VWA5B1: variants seen among roughly 807,000 people sequenced by gnomAD.
VWA5B1 encodes von Willebrand factor A domain containing 5B1.
In VWA5B1, 115 loss-of-function variants were observed where a neutral mutation model predicts 118.2. That is an observed-to-expected ratio of 0.97 (90% confidence interval 0.84 to 1.14). The LOEUF (loss-of-function observed/expected upper bound fraction) is 1.14. Among genes scored for constraint, VWA5B1 ranks in the 50% most tolerant of loss-of-function variants. The pLI, the probability that VWA5B1 is intolerant of heterozygous loss-of-function variation, is 0.00. For missense variants in VWA5B1, 1,596 were observed against 1,603.8 expected (o/e 1.00, Z 0.08); for synonymous variants, 682 against 658.4 (o/e 1.04, Z -0.55).
At chr1:20,314,228 A>G in intron 3 of VWA5B1, 94 bp from the exon 4 acceptor site, 3 of 1,324,816 alleles carry the variant, frequency 2.3e-6, no homozygotes. Flanking sequence ...TTTTCCCATC[A>G]GCAAAATGGG....
At chr1:20,313,020 T>A in intron 3 of VWA5B1, 32 bp downstream of exon 3, 1 of 1,544,202 alleles carries the variant, frequency 6.5e-7, no homozygotes, top group Non-Finnish European at 8.8e-7. Flanking sequence ...CCGCGGGACC[T>A]GGGTTTGGCC....
chr1:20,330,127 T>C (rs1235468773), intron 9 of VWA5B1, 53 bp from the exon 10 acceptor site: 4 of 1,542,568 alleles, frequency 2.6e-6, no homozygotes, highest in Non-Finnish European at 3.5e-6. Context: ...CCTTAGGTGG[T>C]CTAGAGTCTC....
rs2101040713 is a variant in VWA5B1, at chr1:20,356,847, G to C, written c.*2584G>C. Among the ~76,000 whole-genome samples the C allele has an allele frequency of 6.6e-6, 1 of 152,280 alleles. No individual in the cohort carries two copies. The highest frequency in any genetic ancestry group is 2.4e-5 in the African/African-American group (1 of 41,550). ...AGAGACATTTTTAAAGAACTTCAGT[G>C]GTATTGAGATGACATGCAGCCTCAA... On this transcript the variant is annotated 3_prime_UTR_variant, in exon 22 of 22. Transcript: ENST00000289815.
Position 20,358,511 on chromosome 1 carries a change from C to T in VWA5B1, c.*4248C>T, listed in dbSNP as rs74056526. Reference sequence around the variant, plus strand: ...GCCCCCCCACCCTGCAATTGCCTGCCCCATTGACCTGCCTGGCTGGATCCT... The same window carrying T: ...GCCCCCCCACCCTGCAATTGCCTGCTCCATTGACCTGCCTGGCTGGATCCT... On this transcript the variant is annotated 3_prime_UTR_variant, in exon 22 of 22. Coordinates refer to ENST00000289815, the MANE Select transcript of VWA5B1 (RefSeq NM_001039500.3). Among the ~76,000 whole-genome samples the T allele has an allele frequency of 1.8e-3, 280 of 152,276 alleles. 2 individuals are homozygous for T. Among genetic ancestry groups the T allele is most frequent in the African/African-American group, 6.5e-3 (271 of 41,572 alleles).
rs774847761 is a variant in VWA5B1 at position 20,330,360 on chromosome 1, C to T, written c.1435C>T (p.Arg479Ter). 4.6e-5 allele frequency: 72 copies of T among 1,551,596 alleles called. No individual in the cohort carries two copies. The African/African-American group carries it at 8.9e-4, about 19-fold the overall frequency. ...NNTGKVLELV[R>*]NHAFSTRCYS... The stretch of plus-strand genomic sequence containing the variant: ...CACAGGGAAGGTGCTGGAGCTGGTG[C>T]GAAATCACGCCTTCTCCACCAGGTC... The change falls in exon 10 of 22, where the codon CGA (arginine) becomes TGA (stop). Residue 479 changes from arginine to a stop codon, truncating the protein, a stop_gained. Transcript: ENST00000289815. LOFTEE classifies it high-confidence loss of function.
intron 9 of VWA5B1, among the ~76,000 whole-genome samples, chr1:20,328,819 AT>A (rs893427677): frequency 6.6e-6 from 1 of 152,046 alleles, no homozygotes; most frequent in Admixed American, 6.6e-5. Context: ...TCAAAAACAA[AT>A]TTTTTTTAAA....
intron 1 of VWA5B1, among the ~76,000 whole-genome samples, chr1:20,301,551 T>C (rs1452154334): frequency 6.6e-6 from 1 of 152,134 alleles, no homozygotes; most frequent in Non-Finnish European, 1.5e-5. Context: ...AGCACAAGGA[T>C]TTACTCTTCA....
Position 20,340,191 on chromosome 1 carries a change from A to T in VWA5B1, c.2134-2241A>T, listed in dbSNP as rs556938406. ...ATGCATGCACACGCAACACACTTAT[A>T]TGTGCGCGCACACACACACACACAC... On this transcript the variant is annotated intron_variant, in intron 14 of 21. Coordinates refer to ENST00000289815, the MANE Select transcript of VWA5B1 (RefSeq NM_001039500.3). Among the ~76,000 whole-genome samples the T allele has an allele frequency of 2.8e-5, 4 of 145,442 alleles. No individual in the cohort carries two copies. The South Asian group carries it at 9.3e-4, about 34-fold the overall frequency.
At chr1:20,350,688 C>T (rs907461142) in intron 19 of VWA5B1, among the ~76,000 whole-genome samples, 169 bp from the exon 20 acceptor site, 1 of 152,192 alleles carries the variant, frequency 6.6e-6, no homozygotes, top group South Asian at 2.1e-4. Context: ...TCATCCCACC[C>T]TACACCAACT....
At chr1:20,322,305 G>A (rs759108262) in intron 7 of VWA5B1, among the ~76,000 whole-genome samples, 6 of 152,170 alleles carry the variant, frequency 3.9e-5, no homozygotes, top group Non-Finnish European at 7.3e-5. Flanking sequence ...ACAGAGACAC[G>A]TGTACACACA....
intron 17 of VWA5B1, among the ~76,000 whole-genome samples, chr1:20,346,433 A>C (rs930426279): frequency 6.6e-6 from 1 of 152,120 alleles, no homozygotes; most frequent in African/African-American, 2.4e-5. Context: ...ATCTATTTAG[A>C]CCTTTATTTT....
chr1:20,350,317 G>T, intron 19 of VWA5B1, 87 bp downstream of exon 19: 1 of 1,439,472 alleles, frequency 6.9e-7, no homozygotes, highest in South Asian at 1.2e-5. Context: ...CACCGACAAA[G>T]TCCTCAGGGC....
At chr1:20,314,190 C>A in intron 3 of VWA5B1, 132 bp from the exon 4 acceptor site, 1 of 944,452 alleles carries the variant, frequency 1.1e-6, no homozygotes, top group Non-Finnish European at 1.6e-6. Flanking sequence ...TACTTATTCA[C>A]AAGTCACACC....
In VWA5B1 at chr1:20,358,431, G is replaced by A. The variant is rs1012979295; in HGVS notation, c.*4168G>A. Among the ~76,000 whole-genome samples, 1 of 152,164 alleles carries A rather than the reference G, an allele frequency of 6.6e-6. No homozygotes were observed. The highest frequency in any genetic ancestry group is 1.5e-5 in the Non-Finnish European group (1 of 68,024). ...TTCCCCTTCTCTCTTCCTTGGCAGG[G>A]ACTCCCCATGAGAGGGAAGGAGGAA... On this transcript the variant is annotated 3_prime_UTR_variant, in exon 22 of 22. Coordinates refer to ENST00000289815, the MANE Select transcript of VWA5B1 (RefSeq NM_001039500.3).
At chr1:20,296,237 G>A (rs574927340) in intron 1 of VWA5B1, among the ~76,000 whole-genome samples, 2 of 152,314 alleles carry the variant, frequency 1.3e-5, no homozygotes, top group African/African-American at 2.4e-5. Context: ...AGTAGTCCCT[G>A]AATAAATGTC....
intron 1 of VWA5B1, among the ~76,000 whole-genome samples, chr1:20,293,451 C>T (rs952001812): frequency 7.9e-5 from 12 of 152,234 alleles, no homozygotes; most frequent in African/African-American, 2.2e-4. Flanking sequence ...GGCTCCTTTT[C>T]GGATACCGGT....
At chr1:20,300,522 G>T (rs2088484485) in intron 1 of VWA5B1, among the ~76,000 whole-genome samples, 2 of 152,170 alleles carry the variant, frequency 1.3e-5, no homozygotes, top group South Asian at 4.1e-4. Flanking sequence ...AATCTCTGAA[G>T]GTGGAGTCCA....
intron 7 of VWA5B1, among the ~76,000 whole-genome samples, chr1:20,322,838 G>T (rs1557847419): frequency 1.3e-5 from 2 of 152,278 alleles, no homozygotes; most frequent in East Asian, 3.9e-4. Flanking sequence ...TGGAAATTGG[G>T]GAAGCCTTTC....
At chr1:20,320,024 G>A (rs1000910300) in intron 7 of VWA5B1, among the ~76,000 whole-genome samples, 1 of 152,202 alleles carries the variant, frequency 6.6e-6, no homozygotes, top group African/African-American at 2.4e-5. Context: ...GGCCTGGCCA[G>A]GGGCCAGGAA....
Sources: allele counts gnomAD v4.1 joint callset (sites outside exome capture counted in the v4.1 genomes callset), GRCh38; gene constraint gnomAD v4.1.1; transcripts MANE v1.5; gene names NCBI Gene and HGNC (gene_info 2026-07-23, HGNC 2026-07-21).